Variants in ASXL2 observed in about 807,000 individuals in gnomAD.
ASXL2 encodes the protein putative Polycomb group protein ASXL2.
ASXL2 carries 23 observed loss-of-function variants against 122.0 expected under a neutral mutation model. The observed-to-expected ratio is 0.19, with a 90% CI of 0.14 to 0.27. The LOEUF is 0.27. ASXL2 is among the 10% of genes least tolerant of loss of function. The pLI, the probability that ASXL2 is intolerant of heterozygous loss-of-function variation, is 1.00. For synonymous variants in ASXL2, 650 were observed against 637.0 expected, an observed-to-expected ratio of 1.02 and a Z score of -0.31; for missense variants, 1,518 against 1,713.8, an observed-to-expected ratio of 0.89 and a Z score of 2.02.
At chr2:25,794,172 A>G (rs992854649) in intron 5 of ASXL2, among the ~76,000 whole-genome samples, 11 of 152,242 alleles carry the variant, frequency 7.2e-5, no homozygotes, top group African/African-American at 2.2e-4. Flanking sequence ...CCTGATTTAA[A>G]GTAGTTCTGA....
intron 5 of ASXL2, among the ~76,000 whole-genome samples, chr2:25,786,425 G>C (rs1381271405): frequency 1.3e-5 from 2 of 151,626 alleles, no homozygotes; most frequent in Non-Finnish European, 2.9e-5. Context: ...ATTTTTAGTA[G>C]AGATGTGGTT....
chr2:25,750,244 T>C lies in ASXL2; in HGVS notation c.1312A>G (p.Met438Val), dbSNP rs761937994. Reference protein sequence around the residue: ...QSECKEEALQMSSPGRKEECE... With the variant: ...QSECKEEALQVSSPGRKEECE... ...TCTTCTTTTCTGCCTGGTGATGACATTTGCAATGCTTCTTCTTTACACTCT... is the reference window on the plus strand; with the variant it reads ...TCTTCTTTTCTGCCTGGTGATGACACTTGCAATGCTTCTTCTTTACACTCT... Residue 438 changes from methionine (M) to valine (V), a missense_variant, in exon 12 of 13, where the codon ATG becomes GTG. By Grantham distance (21) the Met-to-Val change is conservative. Around this residue, in one of 8 missense-constraint regions of ASXL2, gnomAD observed 292 missense variants for 293.5 expected, o/e 1.00. Coordinates refer to ENST00000435504, the MANE Select transcript of ASXL2 (RefSeq NM_018263.6). 8 of 1,613,898 alleles carry C rather than the reference T, an allele frequency of 5.0e-6. No individual in the cohort carries two copies. The highest frequency in any genetic ancestry group is 6.8e-6 in the Non-Finnish European group (8 of 1,179,898).
intron 3 of ASXL2, chr2:25,822,708 G>A (rs1574434159): frequency 1.4e-6 from 1 of 712,524 alleles, no homozygotes; most frequent in Non-Finnish European, 2.4e-6. Context: ...ACGAAAAGGA[G>A]AATCTGGCCA....
rs1233085589 is a variant in ASXL2, at chr2:25,856,384, T to G, written c.58-10821A>C. 1.6e-5 allele frequency: 8 copies of G among 503,006 alleles called. No individual in the cohort carries two copies. In the East Asian group the frequency reaches 3.6e-4, roughly 22 times the overall value. 31.2% of individuals were successfully genotyped at this position (503,006 alleles called of 1,614,324 possible). A position where few individuals can be genotyped will look rare whatever the true frequency, so the allele number is the denominator to read the frequency against. ...TATACTTTTTTTTTTTTTTTTTTTTTGACACCAGTGTTTATTTCAGGAAGC... is the reference window on the plus strand; with the variant it reads ...TATACTTTTTTTTTTTTTTTTTTTTGGACACCAGTGTTTATTTCAGGAAGC... On this transcript the variant is annotated intron_variant, in intron 1 of 12. Transcript: ENST00000435504.
chr2:25,794,735 T>C (rs933832181), intron 5 of ASXL2, among the ~76,000 whole-genome samples: 5 of 152,194 alleles, frequency 3.3e-5, no homozygotes, highest in Non-Finnish European at 5.9e-5. Context: ...TAAAAGGAAG[T>C]GGGTTTTGAT....
At chr2:25,862,130 G>C (rs2089847973) in intron 1 of ASXL2, among the ~76,000 whole-genome samples, 1 of 152,104 alleles carries the variant, frequency 6.6e-6, no homozygotes, top group Non-Finnish European at 1.5e-5. Context: ...TATTAATAGA[G>C]TGAAAAAATA....
At chr2:25,771,305 T>A in intron 6 of ASXL2, 135 bp downstream of exon 6, 1 of 650,012 alleles carries the variant, frequency 1.5e-6, no homozygotes, top group Non-Finnish European at 2.6e-6. Context: ...TAAAACCACA[T>A]TGGGCTACTG....
chr2:25,756,568 A>C (rs2088139813), intron 9 of ASXL2, among the ~76,000 whole-genome samples: 1 of 152,128 alleles, frequency 6.6e-6, no homozygotes, highest in African/African-American at 2.4e-5. Flanking sequence ...TGATTTGGAC[A>C]TCCTTGAGAT....
At chr2:25,798,995 A>G (rs1345268700) in intron 5 of ASXL2, among the ~76,000 whole-genome samples, 1 of 152,178 alleles carries the variant, frequency 6.6e-6, no homozygotes, top group African/African-American at 2.4e-5. Flanking sequence ...TGTAACAAAT[A>G]TAGCACTCTG....
chr2:25,776,514 T>G (rs1318461724), intron 5 of ASXL2, among the ~76,000 whole-genome samples: 1 of 152,202 alleles, frequency 6.6e-6, no homozygotes, highest in Non-Finnish European at 1.5e-5. Flanking sequence ...CTTGGGTTCA[T>G]TCCTATGAGT....
At chr2:25,872,922 G>A (rs549347997) in intron 1 of ASXL2, among the ~76,000 whole-genome samples, 37 of 152,166 alleles carry the variant, frequency 2.4e-4, no homozygotes, top group African/African-American at 8.7e-4. Flanking sequence ...TGGCTCTTGG[G>A]AGGTTGTAAG....
intron 5 of ASXL2, among the ~76,000 whole-genome samples, chr2:25,794,439 A>G (rs1237786986): frequency 6.6e-6 from 1 of 152,172 alleles, no homozygotes; most frequent in Non-Finnish European, 1.5e-5. Flanking sequence ...TGATTTTCGT[A>G]TTCATTTTTC....
In ASXL2 at chr2:25,842,049, T is replaced by C. The variant is rs185526383; in HGVS notation, c.140+3432A>G. Among the ~76,000 whole-genome samples, 5 of 147,586 alleles carry C rather than the reference T, an allele frequency of 3.4e-5. No homozygotes were observed. The East Asian group carries it at 9.8e-4, about 29-fold the overall frequency. On this transcript the variant is annotated intron_variant, in intron 2 of 12. Coordinates refer to ENST00000435504, the MANE Select transcript of ASXL2 (RefSeq NM_018263.6). Reference sequence around the variant, plus strand: ...ATCACTTGAACCCGGGAGAAAGAGGTTGCAATGAGCTGAGATCGCGCCACT... The same window carrying C: ...ATCACTTGAACCCGGGAGAAAGAGGCTGCAATGAGCTGAGATCGCGCCACT...
At position 25,771,422 on chromosome 2, in the gene ASXL2, C is replaced by A. The variant is rs1225964607; in HGVS notation, c.504+18G>T. ...TACAGGAAATTCTACTTGATAAATA[C>A]AGACTAGCAATGCTTACCTGCTTTA... On this transcript the variant is annotated intron_variant, in intron 6 of 12. Coordinates refer to ENST00000435504, the MANE Select transcript of ASXL2 (RefSeq NM_018263.6). The A allele has an allele frequency of 6.3e-7, 1 of 1,590,356 alleles. No individual in the cohort carries two copies. Among genetic ancestry groups the A allele is most frequent in the Non-Finnish European group, 8.6e-7 (1 of 1,163,482 alleles).
chr2:25,876,717 T>C (rs2090012366), intron 1 of ASXL2, among the ~76,000 whole-genome samples: 1 of 152,162 alleles, frequency 6.6e-6, no homozygotes, highest in Non-Finnish European at 1.5e-5. Flanking sequence ...AGGAGTCTTA[T>C]CTTTTAGAGG....
chr2:25,822,266 G>A (rs1227819473), intron 3 of ASXL2, among the ~76,000 whole-genome samples: 1 of 152,112 alleles, frequency 6.6e-6, no homozygotes, highest in Non-Finnish European at 1.5e-5. Context: ...TCTTCTCCCC[G>A]ACCGGAGGGG....
chr2:25,775,375 A>AC (rs1223803772), intron 5 of ASXL2, among the ~76,000 whole-genome samples: 3 of 151,804 alleles, frequency 2.0e-5, no homozygotes, highest in Non-Finnish European at 4.4e-5. Flanking sequence ...TGATCCACCC[A>AC]CCTCAGCCTC....
In ASXL2 at chr2:25,847,732, C is replaced by A. The variant is rs2089665625; in HGVS notation, c.58-2169G>T. 3.3e-5 allele frequency among the ~76,000 whole-genome samples: 5 copies of A among 152,088 alleles called. No homozygotes were observed. In the South Asian group the frequency reaches 1.0e-3, roughly 31 times the overall value. On this transcript the variant is annotated intron_variant, in intron 1 of 12. Transcript: ENST00000435504. ...AGGGTTAATATAACTGGATCACAACCATATGAAAAAGCATTTGCACACTGA... is the reference window on the plus strand; with the variant it reads ...AGGGTTAATATAACTGGATCACAACAATATGAAAAAGCATTTGCACACTGA...
At chr2:25,774,357 T>C (rs2088511484) in intron 5 of ASXL2, among the ~76,000 whole-genome samples, 1 of 152,188 alleles carries the variant, frequency 6.6e-6, no homozygotes, top group Non-Finnish European at 1.5e-5. Flanking sequence ...AAAAAGGATA[T>C]TTTAAGCCCA....
Sources: gnomAD v4.1 joint callset for allele counts (sites outside exome capture counted in the v4.1 genomes callset) on GRCh38, gnomAD v4.1.1 for gene constraint, gnomAD v4.1.1 regional missense constraint, MANE v1.5 for transcripts, NCBI Gene and HGNC (gene_info 2026-07-23, HGNC 2026-07-21) for gene names.